CLEC16A: variants seen among roughly 807,000 people sequenced by gnomAD.
The protein encoded by CLEC16A is C-type lectin domain containing 16A.
A neutral mutation model predicts 109.5 loss-of-function variants in CLEC16A; 51 were observed. The ratio of observed to expected loss-of-function variants is 0.47; its 90% CI spans 0.37 to 0.59. CLEC16A has a LOEUF of 0.59. CLEC16A is among the 20% of genes least tolerant of loss of function. The probability of loss-of-function intolerance (pLI) is 0.00; values close to 1 mark genes in which losing one functional copy is unlikely to be tolerated. For missense variants in CLEC16A, 1,339 were observed against 1,394.0 expected (o/e 0.96, Z 0.63); for synonymous variants, 673 against 564.2 (o/e 1.19, Z -2.73).
intron 19 of CLEC16A, among the ~76,000 whole-genome samples, chr16:11,109,359 G>T (rs1237747872): frequency 6.6e-6 from 1 of 152,012 alleles, no homozygotes; most frequent in African/African-American, 2.4e-5. Flanking sequence ...TTGCTATGTT[G>T]CCCAGTCTGG....
At chr16:11,133,136 C>G (rs376998546) in intron 22 of CLEC16A, among the ~76,000 whole-genome samples, 1 of 152,080 alleles carries the variant, frequency 6.6e-6, no homozygotes, top group East Asian at 1.9e-4. Flanking sequence ...GTCAGGAGTT[C>G]GAGACCAGCC....
chr16:11,167,509 G>T (rs921312201), intron 23 of CLEC16A, among the ~76,000 whole-genome samples: 1 of 152,106 alleles, frequency 6.6e-6, no homozygotes, highest in Non-Finnish European at 1.5e-5. Context: ...GAGGTCGAGG[G>T]CCCTTGGTCA....
In CLEC16A at chr16:11,172,357, G is replaced by C. The variant is rs566103129; in HGVS notation, c.2806+5805G>C. On this transcript the variant is annotated intron_variant, in intron 23 of 23. Transcript: ENST00000409790. ...ACACACACACTCTGAGTGAGATGCCGATAGGAAAACCATCTCCTCAGATAA... is the reference window on the plus strand; with the variant it reads ...ACACACACACTCTGAGTGAGATGCCCATAGGAAAACCATCTCCTCAGATAA... Among the ~76,000 whole-genome samples, 9 of 152,224 alleles carry C rather than the reference G, an allele frequency of 5.9e-5. No homozygotes were observed. In the South Asian group the frequency reaches 1.9e-3, roughly 32 times the overall value.
chr16:10,996,824 G>A (rs1027408070), intron 10 of CLEC16A, among the ~76,000 whole-genome samples: 4 of 152,116 alleles, frequency 2.6e-5, no homozygotes, highest in African/African-American at 7.2e-5. Flanking sequence ...GGCTTCCTGC[G>A]CTTACCTGAG....
At position 10,994,635 on chromosome 16, in the gene CLEC16A, C is replaced by T. The variant is rs575048916; in HGVS notation, c.1072-8439C>T. 2.6e-5 allele frequency among the ~76,000 whole-genome samples: 4 copies of T among 152,058 alleles called. No homozygotes were observed. The South Asian group carries it at 6.2e-4, about 24-fold the overall frequency. ...TGGAGTATCACTTGAACCCAGGAGA[C>T]GGAGGTTGCAGTGAGCTAAGATCAC... On this transcript the variant is annotated intron_variant, in intron 10 of 23. Coordinates refer to ENST00000409790, the MANE Select transcript of CLEC16A (RefSeq NM_015226.3).
At chr16:11,060,129 A>G (rs28514931) in intron 18 of CLEC16A, among the ~76,000 whole-genome samples, 2 of 152,158 alleles carry the variant, frequency 1.3e-5, no homozygotes, top group Non-Finnish European at 2.9e-5. Flanking sequence ...TGGCCACACA[A>G]TTCTGACCAG....
intron 1 of CLEC16A, 72 bp downstream of exon 1, chr16:10,944,869 G>A (rs1295841747): frequency 1.4e-6 from 2 of 1,404,446 alleles, no homozygotes; most frequent in African/African-American, 1.4e-5. Flanking sequence ...CCGGGTCGGG[G>A]CTCTAGGAGG....
intron 3 of CLEC16A, among the ~76,000 whole-genome samples, chr16:10,963,936 G>C (rs1311101898): frequency 6.6e-6 from 1 of 152,228 alleles, no homozygotes; most frequent in African/African-American, 2.4e-5. Flanking sequence ...TGCCGAGGCT[G>C]AGAAACCCTG....
intron 5 of CLEC16A, 98 bp downstream of exon 5, chr16:10,971,328 G>T (rs1464070749): frequency 1.1e-6 from 1 of 936,134 alleles, no homozygotes; most frequent in Non-Finnish European, 1.6e-6. Context: ...TTGTCACGAG[G>T]GAGCACATTG....
rs184232060 is a variant in CLEC16A at position 11,015,985 on chromosome 16, T to C, written c.1304-4208T>C. Among the ~76,000 whole-genome samples the C allele has an allele frequency of 3.9e-3, 588 of 152,334 alleles. 7 individuals are homozygous for C. Among genetic ancestry groups the C allele is most frequent in the Non-Finnish European group, 6.4e-3 (433 of 68,014 alleles). On this transcript the variant is annotated intron_variant, in intron 11 of 23. Transcript: ENST00000409790. ...ACAGGCTTGCTTGGGAGTCTTCAGA[T>C]GTCTGATGGCAAGCCTTGTTAGTAA...
chr16:11,051,434 G>T, intron 17 of CLEC16A, 79 bp from the exon 18 acceptor site: 2 of 1,461,778 alleles, frequency 1.4e-6, no homozygotes, highest in Non-Finnish European at 1.9e-6. Context: ...AAGGCGAGGG[G>T]CCTGTGCAAC....
intron 19 of CLEC16A, among the ~76,000 whole-genome samples, chr16:11,068,626 C>T (rs2048891638): frequency 6.6e-6 from 1 of 152,182 alleles, no homozygotes; most frequent in South Asian, 2.1e-4. Context: ...ATGGCAGTTC[C>T]ATGCTGGTGG....
At chr16:11,112,043 C>T (rs967627105) in intron 19 of CLEC16A, among the ~76,000 whole-genome samples, 5 of 152,198 alleles carry the variant, frequency 3.3e-5, no homozygotes, top group Admixed American at 2.0e-4. Context: ...AGAGTTCTCC[C>T]TACCGTGGGA....
intron 1 of CLEC16A, 130 bp from the exon 2 acceptor site, chr16:10,957,652 A>T: frequency 1.1e-6 from 1 of 884,600 alleles, no homozygotes. Flanking sequence ...TCTAATCTGA[A>T]TGGGAAATTG....
At chr16:11,162,988 C>G (rs1484833145) in intron 22 of CLEC16A, among the ~76,000 whole-genome samples, 1 of 152,230 alleles carries the variant, frequency 6.6e-6, no homozygotes, top group Non-Finnish European at 1.5e-5. Flanking sequence ...ACTGTTATCA[C>G]TGGAGAGGAT....
chr16:11,012,140 T>C (rs1382592759), intron 11 of CLEC16A, among the ~76,000 whole-genome samples: 1 of 152,214 alleles, frequency 6.6e-6, no homozygotes, highest in East Asian at 1.9e-4. Context: ...AGGGAAATTA[T>C]GTATAAAGAA....
At chr16:11,064,450 T>C (rs1218318666) in intron 19 of CLEC16A, among the ~76,000 whole-genome samples, 2 of 152,234 alleles carry the variant, frequency 1.3e-5, no homozygotes, top group African/African-American at 2.4e-5. Context: ...CCCAGAGTCT[T>C]CATGCCTGTG....
intron 18 of CLEC16A, among the ~76,000 whole-genome samples, chr16:11,060,525 C>A (rs975358256): frequency 6.6e-6 from 1 of 152,160 alleles, no homozygotes; most frequent in Non-Finnish European, 1.5e-5. Context: ...GGAAGCATGG[C>A]CTGGGCAGGT....
At position 11,070,073 on chromosome 16, in the gene CLEC16A, CA is replaced by C. The variant is rs1219573230; in HGVS notation, c.2116+9052del. ...CCCAGCACCTTGTTTGAACTGCCAC[CA>C]TTTTTTTTTTTTTTGAGACGGAGTC... is the stretch of plus-strand genomic sequence containing the variant. On this transcript the variant is annotated intron_variant, in intron 19 of 23. Transcript: ENST00000409790. Among the ~76,000 whole-genome samples, 6 of 93,040 alleles carry C rather than the reference CA, an allele frequency of 6.4e-5. 1 individual carries two copies. The highest frequency in any genetic ancestry group is 0.011 in the Middle Eastern group (2 of 180). The allele number at this position is 93,040 out of a possible 152,430, so 61.0% of individuals were successfully genotyped here. A position where few individuals can be genotyped will look rare whatever the true frequency, so the allele number is the denominator to read the frequency against.
Sources: gnomAD v4.1 joint callset for allele counts (sites outside exome capture counted in the v4.1 genomes callset) on GRCh38, gnomAD v4.1.1 for gene constraint, MANE v1.5 for transcripts, NCBI Gene and HGNC (gene_info 2026-07-23, HGNC 2026-07-21) for gene names.